Variants in GPLD1 observed in about 807,000 individuals in gnomAD.
GPLD1 encodes phosphatidylinositol-glycan-specific phospholipase D.
Under a neutral mutation model 112.6 loss-of-function variants are expected in GPLD1, and 84 were observed. That is an observed-to-expected ratio of 0.75 (90% CI 0.63 to 0.89). The LOEUF (loss-of-function observed/expected upper bound fraction) is 0.89. Among genes scored for constraint, GPLD1 ranks in the 40% least tolerant of loss-of-function variants. The probability of loss-of-function intolerance (pLI) is 0.00; values close to 1 mark genes in which losing one functional copy is unlikely to be tolerated. For missense variants in GPLD1, 1,044 were observed against 1,051.5 expected (o/e 0.99, Z 0.10); for synonymous variants, 386 against 403.8 (o/e 0.96, Z 0.53).
intron 12 of GPLD1, among the ~76,000 whole-genome samples, chr6:24,457,337 C>T (rs114301631): frequency 9.2e-5 from 14 of 151,722 alleles, no homozygotes; most frequent in East Asian, 2.0e-4. Flanking sequence ...AAAAATTAGC[C>T]GAGTGTGGTG....
intron 24 of GPLD1, among the ~76,000 whole-genome samples, chr6:24,430,409 GC>G: frequency 6.6e-6 from 1 of 152,230 alleles, no homozygotes; most frequent in South Asian, 2.1e-4. Context: ...GGTCTTGTGG[GC>G]CTGCTGTATT....
At position 24,486,122 on chromosome 6, in the gene GPLD1, C is replaced by T; in HGVS notation, c.106G>A (p.Ala36Thr). ...TTGTGAAGCTGAAGAAACTCCAGAG[C>T]TCTGTGTCCTGAGAGAAATAAATAC... The part of the protein sequence containing the change: ...LSTHVEIGHR[A>T]LEFLQLHNGR... The change falls in exon 2 of 25, where the codon GCT becomes ACT. Residue 36 changes from alanine to threonine, a missense_variant. Ala to Thr is a moderately conservative substitution (Grantham distance 58, BLOSUM62 0). Coordinates refer to ENST00000230036, the MANE Select transcript of GPLD1 (RefSeq NM_001503.4). The T allele has an allele frequency of 1.9e-6, 3 of 1,573,702 alleles. No homozygotes were observed. Among genetic ancestry groups the T allele is most frequent in the Non-Finnish European group, 2.6e-6 (3 of 1,145,372 alleles).
At chr6:24,450,238 A>T (rs2127336449) in intron 14 of GPLD1, among the ~76,000 whole-genome samples, 1 of 152,314 alleles carries the variant, frequency 6.6e-6, no homozygotes, top group East Asian at 1.9e-4. Flanking sequence ...TAGGCCGGGC[A>T]CGGTGGCTCA....
At chr6:24,439,129 G>A (rs1762669132) in intron 20 of GPLD1, among the ~76,000 whole-genome samples, 1 of 152,084 alleles carries the variant, frequency 6.6e-6, no homozygotes, top group African/African-American at 2.4e-5. Flanking sequence ...TGAGCTCCCT[G>A]GAGCGCCCAG....
At chr6:24,433,024 T>G (rs1762456040) in intron 24 of GPLD1, among the ~76,000 whole-genome samples, 163 bp downstream of exon 24, 1 of 152,206 alleles carries the variant, frequency 6.6e-6, no homozygotes, top group Non-Finnish European at 1.5e-5. Context: ...AAGGGAAACT[T>G]TCCACCAAGG....
intron 20 of GPLD1, among the ~76,000 whole-genome samples, chr6:24,439,414 A>G (rs1338622535): frequency 3.9e-5 from 6 of 152,260 alleles, no homozygotes; most frequent in African/African-American, 1.4e-4. Flanking sequence ...TGAATGATTC[A>G]TGAATCTATT....
intron 7 of GPLD1, among the ~76,000 whole-genome samples, chr6:24,470,170 C>CTG (rs965967071): frequency 3.9e-5 from 6 of 152,186 alleles, no homozygotes; most frequent in African/African-American, 1.4e-4. Flanking sequence ...GAGTCTCACC[C>CTG]TGTCGCCCAA....
chr6:24,448,186 C>A lies in GPLD1; in HGVS notation c.1469G>T (p.Gly490Val). 7 of 1,608,248 alleles carry A rather than the reference C, an allele frequency of 4.4e-6. No individual in the cohort carries two copies. The highest frequency in any genetic ancestry group is 1.7e-5 in the Admixed American group (1 of 59,246). ...TYKGAVYVYF[G>V]SKQGGMSSSP... ...AGAAGACATTCCTCCTTGTTTGGAA[C>A]CAAAGTAGACATACACGGCACCCTA... is the stretch of plus-strand genomic sequence containing the variant. The change falls in exon 16 of 25, where the codon GGT becomes GTT. Residue 490 changes from glycine to valine, a missense_variant. By Grantham distance (109) the Gly-to-Val change is moderately radical. Transcript: ENST00000230036.
chr6:24,449,684 C>G lies in GPLD1; in HGVS notation c.1446+105G>C, dbSNP rs1412465984. ...GCTCACAAATGCTCTGTCTCACACA[C>G]TGGCTGTCTGCTTTGCTCCAGGGGC... On this transcript the variant is annotated intron_variant, in intron 15 of 24. Transcript: ENST00000230036. 4 of 748,418 alleles carry G rather than the reference C, an allele frequency of 5.3e-6. No individual in the cohort carries two copies. The African/African-American group carries it at 6.9e-5, about 13-fold the overall frequency. 46.4% of individuals were successfully genotyped at this position (748,418 alleles called of 1,614,324 possible).
chr6:24,458,570 G>T (rs934951788), intron 12 of GPLD1, among the ~76,000 whole-genome samples: 1 of 152,130 alleles, frequency 6.6e-6, no homozygotes, highest in African/African-American at 2.4e-5. Flanking sequence ...ATTAAAACAT[G>T]CAGCCTTTTG....
At chr6:24,454,513 A>G (rs1361261028) in intron 13 of GPLD1, among the ~76,000 whole-genome samples, 1 of 152,232 alleles carries the variant, frequency 6.6e-6, no homozygotes, top group African/African-American at 2.4e-5. Flanking sequence ...GGCTTGCCTG[A>G]GAGTAGAGAG....
intron 22 of GPLD1, 95 bp from the exon 23 acceptor site, chr6:24,433,484 CTTTTTTTTTTTTTT>C (rs58008688): frequency 2.7e-5 from 12 of 437,194 alleles, no homozygotes; most frequent in Non-Finnish European, 4.4e-5. Flanking sequence ...CTCATTTCTA[CTTTTTTTTTTTTTT>C]TTTTTTTTTT....
At chr6:24,473,870 A>C (rs565687557) in intron 5 of GPLD1, among the ~76,000 whole-genome samples, 319 of 152,316 alleles carry the variant, frequency 2.1e-3, no homozygotes, top group African/African-American at 7.3e-3. Flanking sequence ...CACGCCTGTA[A>C]TCCCAGCACT....
chr6:24,445,353 T>C (rs1235327857), intron 20 of GPLD1, among the ~76,000 whole-genome samples, 193 bp downstream of exon 20: 1 of 152,154 alleles, frequency 6.6e-6, no homozygotes, highest in Non-Finnish European at 1.5e-5. Flanking sequence ...AATTTCAGTT[T>C]TGTAGATGGT....
At chr6:24,431,645 C>T (rs1454636517) in intron 24 of GPLD1, among the ~76,000 whole-genome samples, 2 of 151,906 alleles carry the variant, frequency 1.3e-5, no homozygotes, top group Middle Eastern at 3.4e-3. Flanking sequence ...AGCGATTCTC[C>T]TGCCTCAGTC....
intron 12 of GPLD1, among the ~76,000 whole-genome samples, chr6:24,457,576 G>A (rs1178124155): frequency 6.6e-6 from 1 of 152,080 alleles, no homozygotes; most frequent in Non-Finnish European, 1.5e-5. Context: ...TGGAACAACA[G>A]GATGCCAAAG....
At chr6:24,445,967 TG>T in intron 18 of GPLD1, 136 bp from the exon 19 acceptor site, 1 of 653,454 alleles carries the variant, frequency 1.5e-6, no homozygotes, top group Admixed American at 2.6e-5. Context: ...ACCCCAGGCC[TG>T]GAAGTGTGGG....
chr6:24,447,086 T>C, intron 17 of GPLD1, 107 bp from the exon 18 acceptor site: 1 of 1,015,108 alleles, frequency 9.9e-7, no homozygotes, highest in Non-Finnish European at 1.5e-6. Context: ...TTCATTTTGC[T>C]GAGTTTTTGC....
intron 14 of GPLD1, among the ~76,000 whole-genome samples, chr6:24,453,054 T>C (rs1286313809): frequency 6.6e-6 from 1 of 151,924 alleles, no homozygotes; most frequent in Non-Finnish European, 1.5e-5. Context: ...AAGCCTCTGA[T>C]GTTAGAAAAA....
Sources: gnomAD v4.1 joint callset for allele counts (sites outside exome capture counted in the v4.1 genomes callset) on GRCh38, gnomAD v4.1.1 for gene constraint, MANE v1.5 for transcripts, NCBI Gene and HGNC (gene_info 2026-07-23, HGNC 2026-07-21) for gene names.